WDR72: variants seen among roughly 807,000 people sequenced by gnomAD.
WDR72 encodes WD repeat domain 72.
WDR72 carries 120 observed loss-of-function variants against 124.2 expected under a neutral mutation model. The observed-to-expected ratio is 0.97, with a 90% CI of 0.83 to 1.12. WDR72 has a LOEUF of 1.12. WDR72 is among the 50% of genes most tolerant of loss of function. The probability of loss-of-function intolerance (pLI) is 0.00; values close to 1 mark genes in which losing one functional copy is unlikely to be tolerated. For missense variants in WDR72, 1,387 were observed against 1,278.8 expected (o/e 1.08, Z -1.29); for synonymous variants, 452 against 441.7 (o/e 1.02, Z -0.29).
intron 13 of WDR72, among the ~76,000 whole-genome samples, chr15:53,688,964 A>G (rs1483283089): frequency 6.6e-6 from 1 of 152,212 alleles, no homozygotes; most frequent in Non-Finnish European, 1.5e-5. Context: ...AGAAATGGGG[A>G]AAGGATTCCC....
intron 10 of WDR72, among the ~76,000 whole-genome samples, chr15:53,705,539 C>G (rs59106118): frequency 6.6e-6 from 1 of 151,994 alleles, no homozygotes; most frequent in Non-Finnish European, 1.5e-5. Flanking sequence ...CTCGGCTCAC[C>G]GCAACCTCCA....
At chr15:53,746,771 AAG>A (rs2018653731) in intron 1 of WDR72, among the ~76,000 whole-genome samples, 1 of 152,176 alleles carries the variant, frequency 6.6e-6, no homozygotes. Flanking sequence ...TGGAGATAAA[AAG>A]AGCTTTGGTG....
chr15:53,570,335 C>T (rs1894470907), intron 18 of WDR72, among the ~76,000 whole-genome samples: 2 of 149,794 alleles, frequency 1.3e-5, no homozygotes, highest in African/African-American at 2.5e-5. Flanking sequence ...ATACATTGTT[C>T]TTAGCTATAG....
intron 18 of WDR72, among the ~76,000 whole-genome samples, chr15:53,596,420 G>T (rs1161019711): frequency 6.6e-6 from 1 of 151,920 alleles, no homozygotes; most frequent in African/African-American, 2.4e-5. Context: ...ATTATCATTA[G>T]GAAGTGACAG....
intron 17 of WDR72, among the ~76,000 whole-genome samples, chr15:53,602,916 A>G (rs1325336163): frequency 1.3e-5 from 2 of 152,116 alleles, no homozygotes; most frequent in Non-Finnish European, 2.9e-5. Context: ...TACAAAGAAG[A>G]GCTATTATCA....
intron 17 of WDR72, among the ~76,000 whole-genome samples, chr15:53,603,339 G>A (rs1397448265): frequency 4.6e-5 from 7 of 151,592 alleles, no homozygotes; most frequent in Admixed American, 2.6e-4. Context: ...AACATACTTC[G>A]AAATAATGAG....
At chr15:53,715,938 T>C (rs921015561) in intron 4 of WDR72, among the ~76,000 whole-genome samples, 2 of 152,202 alleles carry the variant, frequency 1.3e-5, no homozygotes, top group Non-Finnish European at 2.9e-5. Flanking sequence ...CAAATAAGTT[T>C]TGGAAATCTT....
Position 53,706,006 on chromosome 15 carries a change from G to T in WDR72, c.1023C>A (p.Phe341Leu). 8 of 1,614,078 alleles carry T rather than the reference G, an allele frequency of 5.0e-6. No homozygotes were observed. Among genetic ancestry groups the T allele is most frequent in the Non-Finnish European group, 5.1e-6 (6 of 1,180,002 alleles). ...ERKEPFYKVL[F>L]SGEVSGRITL... ...TAATTCTTCCTGAGACTTCTCCAGA[G>T]AAAAGTACCTTGTAAAAAGGCTCTT... Residue 341 changes from phenylalanine (F) to leucine (L), a missense_variant, in exon 10 of 20, where the codon TTC becomes TTA. Physicochemically the swap from Phe to Leu is conservative, Grantham distance 22. Coordinates refer to ENST00000360509, the MANE Select transcript of WDR72 (RefSeq NM_182758.4).
At chr15:53,570,584 A>T (rs888095114) in intron 18 of WDR72, among the ~76,000 whole-genome samples, 2 of 152,084 alleles carry the variant, frequency 1.3e-5, no homozygotes, top group Non-Finnish European at 2.9e-5. Context: ...TCAAAAAATA[A>T]CAGATGTTGC....
At chr15:53,529,112 T>C (rs1418574307) in intron 18 of WDR72, among the ~76,000 whole-genome samples, 1 of 146,958 alleles carries the variant, frequency 6.8e-6, no homozygotes, top group Non-Finnish European at 1.5e-5. Flanking sequence ...GACTTATTTT[T>C]GGATGGAAAA....
intron 1 of WDR72, among the ~76,000 whole-genome samples, chr15:53,739,928 C>A (rs151154319): frequency 7.0e-4 from 106 of 152,236 alleles, no homozygotes; most frequent in African/African-American, 2.5e-3. Flanking sequence ...GGAAACTAGT[C>A]AAAGAAATTC....
At chr15:53,519,684 T>G (rs549349356) in intron 19 of WDR72, among the ~76,000 whole-genome samples, 1 of 152,198 alleles carries the variant, frequency 6.6e-6, no homozygotes, top group South Asian at 2.1e-4. Flanking sequence ...AAAGGTGCTT[T>G]GCCTACCTTA....
At chr15:53,633,252 C>T (rs192309234) in intron 14 of WDR72, among the ~76,000 whole-genome samples, 67 of 152,202 alleles carry the variant, frequency 4.4e-4, no homozygotes, top group Middle Eastern at 3.4e-3. Flanking sequence ...TCATGAGATA[C>T]GGTTGTTTAA....
At chr15:53,609,326 TC>T (rs933540905) in intron 17 of WDR72, among the ~76,000 whole-genome samples, 186 bp downstream of exon 17, 1 of 152,090 alleles carries the variant, frequency 6.6e-6, no homozygotes, top group African/African-American at 2.4e-5. Flanking sequence ...GCATTCACGC[TC>T]CCCTAGTGAA....
chr15:53,720,156 A>G (rs2017835439), intron 3 of WDR72, among the ~76,000 whole-genome samples: 1 of 152,152 alleles, frequency 6.6e-6, no homozygotes, highest in Admixed American at 6.6e-5. Context: ...TAAAAGTTAC[A>G]TACTCTTTCT....
At chr15:53,638,613 C>A (rs1259689476) in intron 14 of WDR72, among the ~76,000 whole-genome samples, 2 of 142,322 alleles carry the variant, frequency 1.4e-5, no homozygotes, top group African/African-American at 5.3e-5. Flanking sequence ...TACAGACTGG[C>A]CTTGCACCAA....
intron 18 of WDR72, among the ~76,000 whole-genome samples, chr15:53,557,773 G>T (rs1386635449): frequency 6.6e-6 from 1 of 151,778 alleles, no homozygotes; most frequent in Non-Finnish European, 1.5e-5. Flanking sequence ...AGCATCTAAG[G>T]TTTCTATAAT....
At chr15:53,589,353 G>T (rs74888826) in intron 18 of WDR72, among the ~76,000 whole-genome samples, 5 of 151,778 alleles carry the variant, frequency 3.3e-5, no homozygotes, top group Admixed American at 1.3e-4. Context: ...GCAATCGGCT[G>T]GTTTCCCTCC....
intron 1 of WDR72, 32 bp from the exon 2 acceptor site, chr15:53,733,193 G>C: frequency 6.2e-7 from 1 of 1,610,770 alleles, no homozygotes; most frequent in Non-Finnish European, 8.5e-7. Flanking sequence ...AAGCATACAT[G>C]GTCATCTTTT....
Sources: allele counts gnomAD v4.1 joint callset (sites outside exome capture counted in the v4.1 genomes callset), GRCh38; gene constraint gnomAD v4.1.1; transcripts MANE v1.5; gene names NCBI Gene and HGNC (gene_info 2026-07-23, HGNC 2026-07-21).